The following GPC5 variants were observed in gnomAD, a reference collection of about 807,000 sequenced individuals.
GPC5 encodes glypican-5.
GPC5 carries 47 observed loss-of-function variants against 53.9 expected under a neutral mutation model. The ratio of observed to expected loss-of-function variants is 0.87; its 90% CI spans 0.69 to 1.11. The LOEUF (loss-of-function observed/expected upper bound fraction) is 1.11, where lower values mean the gene tolerates loss of function less well. Ranked by LOEUF, GPC5 falls within the 50% of genes most tolerant of loss-of-function variation. The probability of loss-of-function intolerance (pLI) is 0.00; values close to 1 mark genes in which losing one functional copy is unlikely to be tolerated. For synonymous variants in GPC5, 286 were observed against 263.3 expected, an observed-to-expected ratio of 1.09 and a Z score of -0.84; for missense variants, 748 against 713.1, an observed-to-expected ratio of 1.05 and a Z score of -0.56.
chr13:92,613,442 A>ATGATATATATTTATATATAAATATGTAT (rs139041306), intron 7 of GPC5, among the ~76,000 whole-genome samples: 1 of 43,200 alleles, frequency 2.3e-5, no homozygotes, highest in African/African-American at 2.3e-4. Flanking sequence ...ATATATAAAT[A>ATGATATATATTTATATATAAATATGTAT]TATATATTTA....
chr13:92,128,962 CAAAATA>C (rs898062989), intron 6 of GPC5, among the ~76,000 whole-genome samples: 1 of 152,144 alleles, frequency 6.6e-6, no homozygotes, highest in Admixed American at 6.5e-5. Context: ...GACTCCATTT[CAAAATA>C]AAAATAAAAG....
intron 2 of GPC5, among the ~76,000 whole-genome samples, chr13:91,451,255 A>G (rs1881152815): frequency 6.6e-6 from 1 of 152,194 alleles, no homozygotes; most frequent in Non-Finnish European, 1.5e-5. Context: ...TAGTTCAACA[A>G]TATTAATCTG....
In GPC5 at chr13:92,714,096, T is replaced by C. The variant is rs541843532; in HGVS notation, c.1562-152186T>C. Among the ~76,000 whole-genome samples, 20 of 152,278 alleles carry C rather than the reference T, an allele frequency of 1.3e-4. No homozygotes were observed. The South Asian group carries it at 3.9e-3, about 30-fold the overall frequency. ...GTTTGTCACGTAATACCTAGAAAGGTGATTTAAATACTACTCTGGCTCTAG... is the reference window on the plus strand; with the variant it reads ...GTTTGTCACGTAATACCTAGAAAGGCGATTTAAATACTACTCTGGCTCTAG... On this transcript the variant is annotated intron_variant, in intron 7 of 7. Transcript: ENST00000377067.
chr13:91,402,091 T>C lies in GPC5; in HGVS notation c.163+2882T>C, dbSNP rs926035995. ...TATTAAAATTCTCTTTGCACATGCA[T>C]TGTGCATTGTTCACACATGCAGTAG... On this transcript the variant is annotated intron_variant, in intron 1 of 7. Coordinates refer to ENST00000377067, the MANE Select transcript of GPC5 (RefSeq NM_004466.6). Among the ~76,000 whole-genome samples the C allele has an allele frequency of 2.0e-5, 3 of 152,196 alleles. No individual in the cohort carries two copies. In the East Asian group the frequency reaches 5.8e-4, roughly 29 times the overall value.
chr13:91,903,293 T>C (rs2039518342), intron 5 of GPC5, among the ~76,000 whole-genome samples: 1 of 152,138 alleles, frequency 6.6e-6, no homozygotes, highest in African/African-American at 2.4e-5. Context: ...CTATATACTA[T>C]ATCATTATAC....
chr13:91,813,161 A>C (rs1470972298), intron 5 of GPC5, among the ~76,000 whole-genome samples: 1 of 152,210 alleles, frequency 6.6e-6, no homozygotes, highest in Non-Finnish European at 1.5e-5. Flanking sequence ...TTACTTGCTG[A>C]ATATTGAAAG....
intron 7 of GPC5, among the ~76,000 whole-genome samples, chr13:92,536,739 G>A (rs1192232683): frequency 6.6e-6 from 1 of 151,944 alleles, no homozygotes; most frequent in Admixed American, 6.6e-5. Flanking sequence ...GGAGACTGAT[G>A]ATCTGGACAA....
chr13:91,804,513 T>C (rs1566273150), intron 5 of GPC5, among the ~76,000 whole-genome samples: 2 of 152,350 alleles, frequency 1.3e-5, no homozygotes, highest in Middle Eastern at 3.4e-3. Flanking sequence ...TTAAAGCTAA[T>C]GTTTTATTTA....
chr13:91,954,241 G>A (rs2139064544), intron 6 of GPC5, among the ~76,000 whole-genome samples: 1 of 152,106 alleles, frequency 6.6e-6, no homozygotes, highest in South Asian at 2.1e-4. Context: ...ATTTTATAAA[G>A]CCAGCATATA....
intron 7 of GPC5, among the ~76,000 whole-genome samples, chr13:92,268,610 A>T (rs1470738856): frequency 6.6e-6 from 1 of 151,988 alleles, no homozygotes; most frequent in African/African-American, 2.4e-5. Context: ...GCTCATAAAA[A>T]ACTTTGTTCA....
intron 7 of GPC5, among the ~76,000 whole-genome samples, chr13:92,752,982 C>A (rs1047452355): frequency 6.6e-6 from 1 of 152,146 alleles, no homozygotes; most frequent in South Asian, 2.1e-4. Context: ...CTGGGTGGAG[C>A]CCACCACAGC....
At chr13:92,560,257 G>A (rs1335717874) in intron 7 of GPC5, among the ~76,000 whole-genome samples, 1 of 151,890 alleles carries the variant, frequency 6.6e-6, no homozygotes, top group Non-Finnish European at 1.5e-5. Context: ...TGTGAAAAAT[G>A]CAAATAACTG....
chr13:92,675,646 G>T (rs1355380380), intron 7 of GPC5, among the ~76,000 whole-genome samples: 1 of 151,642 alleles, frequency 6.6e-6, no homozygotes, highest in Non-Finnish European at 1.5e-5. Context: ...CAAATAAATA[G>T]AAACAGCTAT....
At chr13:92,628,850 G>A (rs1217571910) in intron 7 of GPC5, among the ~76,000 whole-genome samples, 1 of 152,146 alleles carries the variant, frequency 6.6e-6, no homozygotes, top group African/African-American at 2.4e-5. Context: ...GAAGTTCTGA[G>A]GATGTCTCTA....
chr13:91,708,203 A>C (rs774106894), intron 3 of GPC5, among the ~76,000 whole-genome samples: 8 of 152,208 alleles, frequency 5.3e-5, no homozygotes, highest in Non-Finnish European at 1.0e-4. Context: ...AAGGGAGGAC[A>C]TAGTCTTAAA....
chr13:92,663,844 T>TATAC (rs1555300606), intron 7 of GPC5, among the ~76,000 whole-genome samples: 2 of 94,210 alleles, frequency 2.1e-5, no homozygotes, highest in East Asian at 4.6e-4. Context: ...TATATATATA[T>TATAC]ACACACACAC....
chr13:91,610,140 C>G (rs1010315930), intron 2 of GPC5, among the ~76,000 whole-genome samples: 4 of 152,120 alleles, frequency 2.6e-5, no homozygotes, highest in African/African-American at 9.7e-5. Flanking sequence ...CATTTAATGA[C>G]AGTGGATATA....
chr13:91,474,572 A>G (rs1046581993), intron 2 of GPC5, among the ~76,000 whole-genome samples: 3 of 152,096 alleles, frequency 2.0e-5, no homozygotes, highest in African/African-American at 4.8e-5. Context: ...TGAAAATCAC[A>G]TGAGCAAATT....
chr13:91,563,233 G>C (rs1042376211), intron 2 of GPC5, among the ~76,000 whole-genome samples: 1 of 152,050 alleles, frequency 6.6e-6, no homozygotes, highest in Non-Finnish European at 1.5e-5. Flanking sequence ...TTCTAAATCA[G>C]CCTATTAGGT....
Sources: allele counts gnomAD v4.1 joint callset (sites outside exome capture counted in the v4.1 genomes callset), GRCh38; gene constraint gnomAD v4.1.1; transcripts MANE v1.5; gene names NCBI Gene and HGNC (gene_info 2026-07-23, HGNC 2026-07-21).